MYO1B: variants seen among roughly 807,000 people sequenced by gnomAD.
MYO1B encodes myosin IB, also known as unconventional myosin-Ib.
MYO1B carries 72 observed loss-of-function variants against 159.7 expected under a neutral mutation model. That is an observed-to-expected ratio of 0.45 (90% CI 0.37 to 0.55). The LOEUF (loss-of-function observed/expected upper bound fraction) is 0.55, where lower values mean the gene tolerates loss of function less well. MYO1B is among the 20% of genes least tolerant of loss of function. The probability of loss-of-function intolerance (pLI) is 0.00; values close to 1 mark genes in which losing one functional copy is unlikely to be tolerated. For synonymous variants in MYO1B, 468 were observed against 473.8 expected (o/e 0.99, Z 0.16); for missense variants, 1,062 against 1,364.8 (o/e 0.78, Z 3.50).
At chr2:191,271,417 C>T (rs1419086574) in intron 1 of MYO1B, among the ~76,000 whole-genome samples, 2 of 152,086 alleles carry the variant, frequency 1.3e-5, no homozygotes, top group Admixed American at 6.6e-5. Flanking sequence ...CTTATGCCTG[C>T]AATCCCAGCA....
At chr2:191,268,749 A>G (rs533525749) in intron 1 of MYO1B, among the ~76,000 whole-genome samples, 4 of 152,244 alleles carry the variant, frequency 2.6e-5, no homozygotes, top group African/African-American at 7.2e-5. Flanking sequence ...CTGGATCTCT[A>G]TGAGCTCCAT....
chr2:191,422,352 T>TC (rs1697990524), intron 30 of MYO1B, among the ~76,000 whole-genome samples: 2 of 152,254 alleles, frequency 1.3e-5, no homozygotes, highest in Non-Finnish European at 2.9e-5. Context: ...TTCAGGGATC[T>TC]CATCATATAC....
intron 24 of MYO1B, among the ~76,000 whole-genome samples, chr2:191,403,824 T>A (rs982230607): frequency 2.6e-5 from 4 of 152,218 alleles, no homozygotes; most frequent in African/African-American, 7.2e-5. Flanking sequence ...CCGGTTTTTT[T>A]AAGTCAAACA....
At chr2:191,378,540 G>C (rs1032312044) in intron 13 of MYO1B, among the ~76,000 whole-genome samples, 1 of 152,270 alleles carries the variant, frequency 6.6e-6, no homozygotes, top group Admixed American at 6.5e-5. Context: ...CACAATGGTG[G>C]AATGTCATCA....
intron 3 of MYO1B, among the ~76,000 whole-genome samples, chr2:191,312,165 G>A (rs1203868204): frequency 1.3e-5 from 2 of 152,120 alleles, no homozygotes; most frequent in Non-Finnish European, 2.9e-5. Context: ...TAAAGCCAGC[G>A]CTAATTAAAA....
intron 20 of MYO1B, among the ~76,000 whole-genome samples, chr2:191,395,523 G>A (rs138333062): frequency 2.8e-4 from 43 of 152,342 alleles, no homozygotes; most frequent in African/African-American, 1.0e-3. Flanking sequence ...TTAGTACTTC[G>A]AAATGCTGTG....
intron 1 of MYO1B, chr2:191,247,953 C>T (rs1026248828): frequency 2.8e-5 from 28 of 985,242 alleles, no homozygotes; most frequent in Non-Finnish European, 3.1e-5. Context: ...GATTGCTGCA[C>T]AGTTATGCAA....
chr2:191,301,550 G>A (rs988828289), intron 3 of MYO1B, among the ~76,000 whole-genome samples: 2 of 152,086 alleles, frequency 1.3e-5, no homozygotes, highest in African/African-American at 4.8e-5. Flanking sequence ...CTAAGAGAAA[G>A]GTAAAATTTC....
intron 20 of MYO1B, among the ~76,000 whole-genome samples, 163 bp from the exon 21 acceptor site, chr2:191,396,266 A>G (rs1228765308): frequency 6.6e-6 from 1 of 152,214 alleles, no homozygotes; most frequent in Non-Finnish European, 1.5e-5. Context: ...AACTGTAATA[A>G]TATTGGATTG....
chr2:191,396,550 A>G, intron 21 of MYO1B, 53 bp downstream of exon 21: 1 of 1,572,484 alleles, frequency 6.4e-7, no homozygotes. Context: ...GGTTTTTCAC[A>G]AAGGATAATG....
rs1697417869 is a variant in MYO1B, at chr2:191,414,144, T to C, written c.2970T>C (p.Ala990=). 1 of 1,613,472 alleles carries C rather than the reference T, an allele frequency of 6.2e-7. No individual in the cohort carries two copies. Among genetic ancestry groups the C allele is most frequent in the African/African-American group, 1.3e-5 (1 of 75,014 alleles). The change falls in exon 28 of 31, where the codon GCT becomes GCC. Residue 990 remains alanine, a synonymous_variant. Coordinates refer to ENST00000392318, the MANE Select transcript of MYO1B (RefSeq NM_001130158.3). Reference sequence around the variant, plus strand: ...CCATTGAAGAAAAGATCATCATTGCTGAAGTCGTGAACAAAATTAACCGTG... The same window carrying C: ...CCATTGAAGAAAAGATCATCATTGCCGAAGTCGTGAACAAAATTAACCGTG... The part of the protein sequence containing the change: ...KDAIEEKIII[A]EVVNKINRAN...
intron 1 of MYO1B, among the ~76,000 whole-genome samples, chr2:191,274,751 C>T (rs758728660): frequency 6.4e-4 from 98 of 152,136 alleles, no homozygotes; most frequent in East Asian, 1.9e-4. Flanking sequence ...CTGGCTTCAC[C>T]GTCTCTGTGG....
chr2:191,271,867 T>C (rs1360094710), intron 1 of MYO1B, among the ~76,000 whole-genome samples: 1 of 152,210 alleles, frequency 6.6e-6, no homozygotes, highest in East Asian at 1.9e-4. Context: ...TGGGGGGCTA[T>C]GTTGGTCTTG....
chr2:191,360,815 C>T lies in MYO1B; in HGVS notation c.661+86C>T, dbSNP rs1232204206. On this transcript the variant is annotated intron_variant, in intron 8 of 30. Transcript: ENST00000392318. ...GAGCTGGGAGTCTCACTGTGTTGCC[C>T]AGGCCGGTCTCTAATTCCTGAGCTC... The T allele has an allele frequency of 6.5e-6, 6 of 927,948 alleles. No homozygotes were observed. The African/African-American group carries it at 8.3e-5, about 13-fold the overall frequency. 57.5% of individuals were successfully genotyped at this position (927,948 alleles called of 1,614,324 possible).
chr2:191,281,548 C>T (rs533400847), intron 2 of MYO1B, among the ~76,000 whole-genome samples: 6 of 152,264 alleles, frequency 3.9e-5, no homozygotes, highest in South Asian at 2.1e-4. Flanking sequence ...GACCTTCTTC[C>T]GGCCTCCCCT....
chr2:191,297,488 C>T (rs751796912), intron 3 of MYO1B, among the ~76,000 whole-genome samples: 1 of 152,130 alleles, frequency 6.6e-6, no homozygotes. Flanking sequence ...TTATGTTGTT[C>T]GTTATTACCA....
intron 1 of MYO1B, chr2:191,246,447 G>A (rs1386699865): frequency 6.6e-6 from 1 of 152,154 alleles, no homozygotes; most frequent in Non-Finnish European, 1.5e-5. Flanking sequence ...TTCAGGCTTC[G>A]GCCCAGCGTT....
intron 2 of MYO1B, among the ~76,000 whole-genome samples, chr2:191,282,545 C>T (rs1444169243): frequency 6.6e-6 from 1 of 152,162 alleles, no homozygotes; most frequent in Non-Finnish European, 1.5e-5. Flanking sequence ...TCAAATAGTA[C>T]AGCCAGACAT....
chr2:191,300,079 G>A (rs1349939), intron 3 of MYO1B, among the ~76,000 whole-genome samples: 80,445 of 151,918 alleles, frequency 0.53, 22,037 homozygotes, highest in East Asian at 0.65. Context: ...TTTCTTTGCA[G>A]ATGTTCATCT....
Sources: allele counts gnomAD v4.1 joint callset (sites outside exome capture counted in the v4.1 genomes callset), GRCh38; gene constraint gnomAD v4.1.1; transcripts MANE v1.5; gene names NCBI Gene and HGNC (gene_info 2026-07-23, HGNC 2026-07-21).